Variants in TNNI3K observed in about 807,000 individuals in gnomAD.
The protein encoded by TNNI3K is TNNI3 interacting kinase, also known as serine/threonine-protein kinase TNNI3K.
TNNI3K carries 140 observed loss-of-function variants against 114.5 expected under a neutral mutation model. The observed-to-expected ratio is 1.22, with a 90% CI of 1.07 to 1.41. The LOEUF (loss-of-function observed/expected upper bound fraction) is 1.41. TNNI3K is among the 40% of genes most tolerant of loss of function. TNNI3K has a pLI of 0.00. For missense variants in TNNI3K, 1,125 were observed against 1,007.6 expected (o/e 1.12, Z -1.58); for synonymous variants, 347 against 347.5 (o/e 1.00, Z 0.02).
chr1:74,297,516 T>TGTGCGC (rs1189250611), intron 5 of TNNI3K, among the ~76,000 whole-genome samples: 5 of 113,690 alleles, frequency 4.4e-5, no homozygotes, highest in Admixed American at 2.8e-4. Flanking sequence ...GTCCAGTGTG[T>TGTGCGC]GTGTGCGTGT....
chr1:74,332,901 G>T (rs1475307332), intron 6 of TNNI3K, among the ~76,000 whole-genome samples: 2 of 129,314 alleles, frequency 1.5e-5, no homozygotes, highest in Non-Finnish European at 3.2e-5. Context: ...AAATTTCTAT[G>T]TTTCTTTAAA....
chr1:74,347,827 C>T (rs562935436), intron 9 of TNNI3K, among the ~76,000 whole-genome samples: 202 of 152,250 alleles, frequency 1.3e-3, no homozygotes, highest in Admixed American at 4.7e-3. Flanking sequence ...TCATATCCTT[C>T]ACCCACTTTT....
chr1:74,235,590 C>T (rs561405155), intron 1 of TNNI3K, 99 bp downstream of exon 1: 24 of 663,318 alleles, frequency 3.6e-5, no homozygotes, highest in Admixed American at 1.2e-4. Context: ...AATTTGTATA[C>T]GGAAGATAAG....
At chr1:74,373,161 TA>T (rs1662702959) in intron 17 of TNNI3K, 1 of 151,888 alleles carries the variant, frequency 6.6e-6, no homozygotes, top group African/African-American at 2.4e-5. Context: ...AAATAAGACA[TA>T]TGCCCAGAAA....
At chr1:74,419,600 T>C (rs1011119757) in intron 17 of TNNI3K, among the ~76,000 whole-genome samples, 2 of 152,062 alleles carry the variant, frequency 1.3e-5, no homozygotes, top group Admixed American at 6.6e-5. Flanking sequence ...TGTAAGTGTT[T>C]TGTTTTTCTT....
intron 21 of TNNI3K, among the ~76,000 whole-genome samples, chr1:74,465,223 C>T (rs973748893): frequency 6.6e-6 from 1 of 152,216 alleles, no homozygotes; most frequent in African/African-American, 2.4e-5. Context: ...GTGGGAACCC[C>T]TCTCTGGGCT....
At chr1:74,245,579 T>C (rs1003784093) in intron 2 of TNNI3K, among the ~76,000 whole-genome samples, 2 of 152,194 alleles carry the variant, frequency 1.3e-5, no homozygotes, top group Admixed American at 1.3e-4. Flanking sequence ...GAGCCAAAGT[T>C]TCATATCACT....
chr1:74,258,177 T>C (rs1655445836), intron 4 of TNNI3K, among the ~76,000 whole-genome samples: 1 of 152,140 alleles, frequency 6.6e-6, no homozygotes, highest in Admixed American at 6.5e-5. Flanking sequence ...AATCAGGTGA[T>C]CTTTTCTAGA....
intron 9 of TNNI3K, among the ~76,000 whole-genome samples, chr1:74,344,942 T>C (rs1660922802): frequency 6.6e-6 from 1 of 152,146 alleles, no homozygotes; most frequent in South Asian, 2.1e-4. Context: ...GAGTAAGCAC[T>C]CAGTACATTT....
chr1:74,417,682 T>TTGTGTGTG (rs10529693), intron 17 of TNNI3K, among the ~76,000 whole-genome samples: 3 of 137,022 alleles, frequency 2.2e-5, no homozygotes, highest in Non-Finnish European at 4.8e-5. Flanking sequence ...GTGTACGTGT[T>TTGTGTGTG]TGTGTGTGTG....
intron 5 of TNNI3K, among the ~76,000 whole-genome samples, chr1:74,303,201 A>T (rs1658429168): frequency 1.3e-5 from 2 of 151,990 alleles, no homozygotes; most frequent in South Asian, 2.1e-4. Context: ...TATTATTATT[A>T]TTATTATTTT....
chr1:74,253,173 GTT>G (rs1454659538), intron 4 of TNNI3K, among the ~76,000 whole-genome samples: 1 of 152,120 alleles, frequency 6.6e-6, no homozygotes, highest in Non-Finnish European at 1.5e-5. Flanking sequence ...GTTTACAAAC[GTT>G]GAGCTAGATA....
At chr1:74,484,335 G>A (rs1668647900) in intron 21 of TNNI3K, among the ~76,000 whole-genome samples, 1 of 152,122 alleles carries the variant, frequency 6.6e-6, no homozygotes, top group Non-Finnish European at 1.5e-5. Flanking sequence ...TGTTCAACAA[G>A]CATTTGTAGA....
intron 6 of TNNI3K, among the ~76,000 whole-genome samples, chr1:74,332,976 A>AGAG (rs546657305): frequency 0.082 from 7,389 of 90,478 alleles, 404 homozygotes; most frequent in African/African-American, 0.14. Context: ...AAAAAAAAAA[A>AGAG]AGAGAGAGAC....
At chr1:74,540,433 A>G (rs1646713035) in intron 24 of TNNI3K, 120 bp downstream of exon 24, 2 of 925,860 alleles carry the variant, frequency 2.2e-6, no homozygotes, top group Non-Finnish European at 3.2e-6. Flanking sequence ...ATGCTTTAAA[A>G]ATATAAAAGT....
Position 74,367,278 on chromosome 1 carries a change from C to T in TNNI3K, c.1200C>T (p.Leu400=). The T allele has an allele frequency of 6.2e-7, 1 of 1,612,184 alleles. No homozygotes were observed. Among genetic ancestry groups the T allele is most frequent in the Middle Eastern group, 1.7e-4 (1 of 6,042 alleles). ...YEKGHDAIVT[L]LKHYKRPQDE... is the part of the protein sequence containing the mutation. Reference sequence around the variant, plus strand: ...AAGGGCATGATGCCATTGTCACACTCCTGAAGCATTATAAGAGACCACAAG... The same window carrying T: ...AAGGGCATGATGCCATTGTCACACTTCTGAAGCATTATAAGAGACCACAAG... Residue 400 remains leucine, a synonymous_variant, in exon 12 of 25, where the codon CTC becomes CTT. Transcript: ENST00000326637.
intron 5 of TNNI3K, among the ~76,000 whole-genome samples, chr1:74,276,451 AATTAGGAG>A (rs1207246658): frequency 1.3e-5 from 2 of 152,130 alleles, no homozygotes; most frequent in Non-Finnish European, 2.9e-5. Flanking sequence ...TTAATATTGC[AATTAGGAG>A]AGTTTCAAGA....
chr1:74,457,274 C>T (rs1229423135), intron 20 of TNNI3K, among the ~76,000 whole-genome samples: 2 of 152,064 alleles, frequency 1.3e-5, no homozygotes, highest in Admixed American at 1.3e-4. Flanking sequence ...ATTAACATTC[C>T]AATATTTCAT....
chr1:74,457,968 G>A (rs1051680918), intron 20 of TNNI3K, among the ~76,000 whole-genome samples: 4 of 152,240 alleles, frequency 2.6e-5, no homozygotes, highest in Non-Finnish European at 4.4e-5. Context: ...AAGGACCTAA[G>A]TTGACTGGTG....
Sources: gnomAD v4.1 joint callset for allele counts (sites outside exome capture counted in the v4.1 genomes callset) on GRCh38, gnomAD v4.1.1 for gene constraint, MANE v1.5 for transcripts, NCBI Gene and HGNC (gene_info 2026-07-23, HGNC 2026-07-21) for gene names.